The following RYR3 variants were observed in gnomAD, a reference collection of about 807,000 sequenced individuals.
The protein encoded by RYR3 is ryanodine receptor 3.
In RYR3, 207 loss-of-function variants were observed where a neutral mutation model predicts 584.3. The ratio of observed to expected loss-of-function variants is 0.35; its 90% confidence interval spans 0.32 to 0.40. The LOEUF (loss-of-function observed/expected upper bound fraction) is 0.40. Ranked by LOEUF, RYR3 falls within the 10% of genes least tolerant of loss-of-function variation. The pLI, the probability that RYR3 is intolerant of heterozygous loss-of-function variation, is 1.00. For synonymous variants in RYR3, 2,416 were observed against 2,248.5 expected (o/e 1.07, Z -2.11); for missense variants, 5,616 against 6,089.2 (o/e 0.92, Z 2.59).
At chr15:33,658,284 T>A (rs577230230) in intron 32 of RYR3, among the ~76,000 whole-genome samples, 3 of 152,336 alleles carry the variant, frequency 2.0e-5, no homozygotes, top group Non-Finnish European at 2.9e-5. Flanking sequence ...CCTGTTTTCA[T>A]GCTGGCTGCA....
At chr15:33,439,423 T>C (rs763426819) in intron 1 of RYR3, among the ~76,000 whole-genome samples, 99 of 152,162 alleles carry the variant, frequency 6.5e-4, no homozygotes, top group Non-Finnish European at 1.0e-3. Flanking sequence ...TCTTGGTGAG[T>C]GGTTGTTCAA....
Position 33,559,090 on chromosome 15 carries a change from G to A in RYR3, c.973-3747G>A, listed in dbSNP as rs532999821. ...GTCTAGGGGAATGGGGGTCCAGAGG[G>A]TAAAGGAGGAGGTTGGCTTTATGCG... On this transcript the variant is annotated intron_variant, in intron 10 of 103. Transcript: ENST00000634891. 3.9e-5 allele frequency among the ~76,000 whole-genome samples: 6 copies of A among 152,290 alleles called. No homozygotes were observed. The South Asian group carries it at 1.2e-3, about 32-fold the overall frequency.
At chr15:33,681,367 CAGT>C (rs1442337757) in intron 38 of RYR3, among the ~76,000 whole-genome samples, 1 of 152,208 alleles carries the variant, frequency 6.6e-6, no homozygotes, top group Non-Finnish European at 1.5e-5. Context: ...CACAAGTCAA[CAGT>C]AGGCTAGTAG....
chr15:33,772,166 C>T lies in RYR3; in HGVS notation c.9055+8C>T. The T allele has an allele frequency of 6.3e-7, 1 of 1,577,826 alleles. No individual in the cohort carries two copies. On this transcript the variant is annotated splice_region_variant and intron_variant, in intron 63 of 103. Transcript: ENST00000634891. ...TTGGAATGGATCTACTCTGTGAGTT[C>T]TACTGGTATTTGTCGTGGATGTATG...
At chr15:33,753,247 T>A (rs969743195) in intron 57 of RYR3, among the ~76,000 whole-genome samples, 1 of 152,250 alleles carries the variant, frequency 6.6e-6, no homozygotes, top group Admixed American at 6.5e-5. Flanking sequence ...TTATATGATA[T>A]CTTATTAAAT....
intron 12 of RYR3, among the ~76,000 whole-genome samples, chr15:33,578,893 A>G (rs1181189613): frequency 6.6e-6 from 1 of 152,178 alleles, no homozygotes; most frequent in Non-Finnish European, 1.5e-5. Context: ...CTTCCTCTTC[A>G]TAGCCTTTGC....
At chr15:33,347,694 G>A (rs552782004) in intron 1 of RYR3, among the ~76,000 whole-genome samples, 6 of 152,096 alleles carry the variant, frequency 3.9e-5, no homozygotes, top group East Asian at 1.9e-4. Flanking sequence ...TGATCCGCCC[G>A]CCTCAGCCTC....
intron 43 of RYR3, among the ~76,000 whole-genome samples, chr15:33,720,786 A>G (rs1173631592): frequency 6.6e-6 from 1 of 152,040 alleles, no homozygotes; most frequent in Non-Finnish European, 1.5e-5. Context: ...AGGTGGGAGG[A>G]TCACTTGAAC....
chr15:33,456,432 T>C (rs2047567515), intron 1 of RYR3, among the ~76,000 whole-genome samples: 1 of 152,196 alleles, frequency 6.6e-6, no homozygotes, highest in African/African-American at 2.4e-5. Context: ...ACGTCTTTTT[T>C]TTATAAGCCC....
Position 33,771,873 on chromosome 15 carries a change from C to A in RYR3, c.8817-47C>A, listed in dbSNP as rs371547034. On this transcript the variant is annotated intron_variant, in intron 62 of 103. Transcript: ENST00000634891. ...TGCCAGTTTCAAGAAGGGGATTGGC[C>A]AAAAGTTCAGATTATGCTTCTAGAT... is the stretch of plus-strand genomic sequence containing the variant. 1.7e-5 allele frequency: 25 copies of A among 1,447,864 alleles called. No homozygotes were observed. The African/African-American group carries it at 3.2e-4, about 19-fold the overall frequency. 89.7% of individuals were successfully genotyped at this position (1,447,864 alleles called of 1,614,324 possible).
chr15:33,408,094 G>A (rs1257978431), intron 1 of RYR3, among the ~76,000 whole-genome samples: 1 of 151,906 alleles, frequency 6.6e-6, no homozygotes, highest in African/African-American at 2.4e-5. Flanking sequence ...TGATGCTGAG[G>A]TTGGGGCATG....
intron 38 of RYR3, among the ~76,000 whole-genome samples, chr15:33,681,088 A>G (rs1288694366): frequency 6.6e-6 from 1 of 152,210 alleles, no homozygotes; most frequent in Admixed American, 6.5e-5. Flanking sequence ...CAGTTACCTC[A>G]ATAGCCCTGC....
intron 93 of RYR3, among the ~76,000 whole-genome samples, chr15:33,846,224 A>G (rs1479261909): frequency 6.6e-6 from 1 of 152,200 alleles, no homozygotes; most frequent in African/African-American, 2.4e-5. Flanking sequence ...GGAAGCTGCT[A>G]AGCCTTCCTA....
chr15:33,572,637 T>C (rs1476652515), intron 12 of RYR3, among the ~76,000 whole-genome samples: 1 of 24,534 alleles, frequency 4.1e-5, no homozygotes, highest in East Asian at 4.5e-4. Flanking sequence ...GCTCATTAAA[T>C]TAAAAAAAAA....
In RYR3 at chr15:33,495,433, T is replaced by G. The variant is rs1001534140; in HGVS notation, c.172-8198T>G. Among the ~76,000 whole-genome samples, 22 of 152,192 alleles carry G rather than the reference T, an allele frequency of 1.4e-4. 1 individual carries two copies. The highest frequency in any genetic ancestry group is 4.6e-4 in the African/African-American group (19 of 41,452). Reference sequence around the variant, plus strand: ...GAAGTGTTTCAGTCTTTCTGAGTCTTTCTCACCTGCAAAATGGCTTAAAAT... The same window carrying G: ...GAAGTGTTTCAGTCTTTCTGAGTCTGTCTCACCTGCAAAATGGCTTAAAAT... On this transcript the variant is annotated intron_variant, in intron 2 of 103. Transcript: ENST00000634891.
At chr15:33,616,227 C>T (rs1357276231) in intron 19 of RYR3, among the ~76,000 whole-genome samples, 1 of 152,210 alleles carries the variant, frequency 6.6e-6, no homozygotes, top group Non-Finnish European at 1.5e-5. Context: ...AGTCTACTAG[C>T]TAATGAACTT....
At chr15:33,635,316 A>C (rs2061446427) in intron 25 of RYR3, among the ~76,000 whole-genome samples, 1 of 152,140 alleles carries the variant, frequency 6.6e-6, no homozygotes, top group African/African-American at 2.4e-5. Context: ...TTTGAGCCTG[A>C]ATTTCTTCAT....
rs112411044 is a variant in RYR3 at position 33,720,297 on chromosome 15, C to T, written c.6620-2418C>T. 8.0e-3 allele frequency among the ~76,000 whole-genome samples: 1,216 copies of T among 152,266 alleles called. 19 individuals are homozygous for T. The highest frequency in any genetic ancestry group is 0.027 in the African/African-American group (1,142 of 41,544). ...ACTCTTCAGGGCTGTGAGACACATT[C>T]GGTATGTTCAAGATTGAGTTTGGTG... On this transcript the variant is annotated intron_variant, in intron 43 of 103. Transcript: ENST00000634891.
At chr15:33,808,543 T>C (rs1348584711) in intron 70 of RYR3, among the ~76,000 whole-genome samples, 3 of 152,258 alleles carry the variant, frequency 2.0e-5, no homozygotes, top group African/African-American at 7.2e-5. Context: ...ATTTTACATG[T>C]ATACATACGT....
Sources: allele counts gnomAD v4.1 joint callset (sites outside exome capture counted in the v4.1 genomes callset), GRCh38; gene constraint gnomAD v4.1.1; transcripts MANE v1.5; gene names NCBI Gene and HGNC (gene_info 2026-07-23, HGNC 2026-07-21).